NGLY1: variants seen among roughly 807,000 people sequenced by gnomAD.
The protein encoded by NGLY1 is N-glycanase 1, also known as peptide-N(4)-(N-acetyl-beta-glucosaminyl)asparagine amidase.
In NGLY1, 68 loss-of-function variants were observed where a neutral mutation model predicts 84.6. The observed-to-expected ratio is 0.80, with a 90% confidence interval of 0.66 to 0.98. The LOEUF is 0.98. Among genes scored for constraint, NGLY1 ranks in the 50% least tolerant of loss-of-function variants. The pLI, the probability that NGLY1 is intolerant of heterozygous loss-of-function variation, is 0.00. For synonymous variants in NGLY1, 280 were observed against 275.2 expected, an observed-to-expected ratio of 1.02 and a Z score of -0.17; for missense variants, 779 against 770.2, an observed-to-expected ratio of 1.01 and a Z score of -0.14.
chr3:25,764,698 T>C lies in NGLY1; in HGVS notation c.247-387A>G, dbSNP rs374799635. On this transcript the variant is annotated intron_variant, in intron 2 of 11. Transcript: ENST00000280700. ...CTACTATTCTCTATGAAATTCCCTA[T>C]GAAATAATAATGACAGTAGAGATAC... Among the ~76,000 whole-genome samples, 57 of 152,246 alleles carry C rather than the reference T, an allele frequency of 3.7e-4. No individual in the cohort carries two copies. The East Asian group carries it at 6.4e-3, about 17-fold the overall frequency.
At chr3:25,788,952 C>T (rs1490171365) in intron 1 of NGLY1, among the ~76,000 whole-genome samples, 1 of 152,154 alleles carries the variant, frequency 6.6e-6, no homozygotes, top group Non-Finnish European at 1.5e-5. Flanking sequence ...GGAAAGAATG[C>T]AGAGCACTCT....
intron 2 of NGLY1, among the ~76,000 whole-genome samples, chr3:25,768,865 C>T (rs1041821634): frequency 6.6e-6 from 1 of 151,584 alleles, no homozygotes; most frequent in Non-Finnish European, 1.5e-5. Flanking sequence ...TTTAAGAACA[C>T]AGGCAACTAA....
chr3:25,761,971 T>A (rs1707340722), intron 3 of NGLY1, among the ~76,000 whole-genome samples: 1 of 152,162 alleles, frequency 6.6e-6, no homozygotes, highest in South Asian at 2.1e-4. Flanking sequence ...TATAATTCTA[T>A]TAACATAAAA....
intron 8 of NGLY1, among the ~76,000 whole-genome samples, chr3:25,733,622 T>A (rs1408701279): frequency 6.6e-6 from 1 of 152,022 alleles, no homozygotes; most frequent in Admixed American, 6.6e-5. Flanking sequence ...AATACTGAAA[T>A]TTTGTTTCAA....
In NGLY1 at chr3:25,764,164, T is replaced by A. The variant is rs1306674601; in HGVS notation, c.394A>T (p.Thr132Ser). The change falls in exon 3 of 12, where the codon ACC becomes TCC. Residue 132 changes from threonine (T) to serine (S), a missense_variant. By Grantham distance (58) the Thr-to-Ser change is moderately conservative. Coordinates refer to ENST00000280700, the MANE Select transcript of NGLY1 (RefSeq NM_018297.4). ...VKSSQQPAASTQLPTTPSSNP... is the reference protein window; with the variant it reads ...VKSSQQPAASSQLPTTPSSNP... ...GAAGATGGTGTTGTAGGAAGCTGGGTACTGGCTGCAGGTTGCTGAGATGAC... is the reference window on the plus strand; with the variant it reads ...GAAGATGGTGTTGTAGGAAGCTGGGAACTGGCTGCAGGTTGCTGAGATGAC... The A allele has an allele frequency of 6.2e-7, 1 of 1,614,072 alleles. No homozygotes were observed. The highest frequency in any genetic ancestry group is 8.5e-7 in the Non-Finnish European group (1 of 1,180,030).
chr3:25,728,914 T>C (rs905639003), intron 10 of NGLY1, among the ~76,000 whole-genome samples: 1 of 152,120 alleles, frequency 6.6e-6, no homozygotes, highest in African/African-American at 2.4e-5. Flanking sequence ...AAATTCATCC[T>C]CTTTGATGAA....
Position 25,789,912 on chromosome 3 carries a change from G to A in NGLY1, c.-47C>T, listed in dbSNP as rs747465435. 4.6e-5 allele frequency: 71 copies of A among 1,551,358 alleles called. No individual in the cohort carries two copies. The East Asian group carries it at 1.1e-3, about 23-fold the overall frequency. On this transcript the variant is annotated 5_prime_UTR_variant, in exon 1 of 12. Coordinates refer to the NGLY1 transcript ENST00000417874. ...ATTATCGGCGAGTCACTGAGGTTCC[G>A]AGAGGGGCGTCTCTGCTCACGCAAA...
At chr3:25,769,588 T>G (rs1707789801) in intron 2 of NGLY1, among the ~76,000 whole-genome samples, 1 of 152,124 alleles carries the variant, frequency 6.6e-6, no homozygotes, top group Non-Finnish European at 1.5e-5. Context: ...TCTTTATACA[T>G]TCCTAGTGGG....
chr3:25,733,953 G>A lies in NGLY1; in HGVS notation c.1179C>T (p.Cys393=). 6 of 1,613,546 alleles carry A rather than the reference G, an allele frequency of 3.7e-6. No individual in the cohort carries two copies. Among genetic ancestry groups the A allele is most frequent in the Non-Finnish European group, 5.1e-6 (6 of 1,179,722 alleles). Residue 393 remains cysteine (C), a synonymous_variant, in exon 8 of 12, where the codon TGC becomes TGT. Transcript: ENST00000280700. ...EVVDVTWRYS[C]KHEEVIARRT... is the part of the protein sequence containing the mutation. ...TTCTGGCAATCACCTCTTCATGTTT[G>A]CAGGAATATCGCCAAGTGACATCAA...
chr3:25,737,209 C>A, intron 6 of NGLY1, 125 bp downstream of exon 6: 1 of 735,848 alleles, frequency 1.4e-6, no homozygotes. Flanking sequence ...CTGTTTTACA[C>A]AAGGCAAATG....
At chr3:25,773,235 T>C (rs1707983868) in intron 2 of NGLY1, among the ~76,000 whole-genome samples, 1 of 152,162 alleles carries the variant, frequency 6.6e-6, no homozygotes, top group African/African-American at 2.4e-5. Flanking sequence ...TCCAAACTTT[T>C]AGATGTATTT....
chr3:25,772,256 C>T (rs191902311), intron 2 of NGLY1, among the ~76,000 whole-genome samples: 91 of 152,218 alleles, frequency 6.0e-4, no homozygotes, highest in African/African-American at 2.1e-3. Context: ...TTGAAGTCTC[C>T]ACTATTATTG....
At chr3:25,723,630 G>GAA (rs914515329) in intron 10 of NGLY1, among the ~76,000 whole-genome samples, 3 of 142,674 alleles carry the variant, frequency 2.1e-5, no homozygotes, top group African/African-American at 7.7e-5. Context: ...TATTTAAAAG[G>GAA]AAAAAAAAAA....
intron 1 of NGLY1, among the ~76,000 whole-genome samples, chr3:25,779,082 T>C (rs938215570): frequency 6.6e-6 from 1 of 151,522 alleles, no homozygotes; most frequent in Non-Finnish European, 1.5e-5. Context: ...ATTACAGGGG[T>C]GCACCACCAC....
At chr3:25,721,768 A>G (rs1255838795) in intron 10 of NGLY1, among the ~76,000 whole-genome samples, 7 of 150,702 alleles carry the variant, frequency 4.6e-5, no homozygotes, top group African/African-American at 1.2e-4. Context: ...AAAAAAAAAA[A>G]AAAAAAGAAA....
intron 10 of NGLY1, among the ~76,000 whole-genome samples, chr3:25,728,612 T>G (rs1053673517): frequency 1.3e-5 from 2 of 152,054 alleles, no homozygotes; most frequent in Non-Finnish European, 2.9e-5. Context: ...ACTTAATTAT[T>G]TTTTTAAGAT....
intron 6 of NGLY1, chr3:25,736,698 T>C: frequency 4.1e-6 from 1 of 246,226 alleles, no homozygotes; most frequent in Non-Finnish European, 7.8e-6. Flanking sequence ...AACACAAATA[T>C]CACATGACTT....
At chr3:25,759,319 G>GAAA (rs759612741) in intron 3 of NGLY1, among the ~76,000 whole-genome samples, 2 of 82,282 alleles carry the variant, frequency 2.4e-5, no homozygotes, top group Admixed American at 1.2e-4. Flanking sequence ...TATAGAAACA[G>GAAA]AAAAAAAAAA....
At chr3:25,750,713 A>G (rs1706693291) in intron 4 of NGLY1, among the ~76,000 whole-genome samples, 1 of 152,228 alleles carries the variant, frequency 6.6e-6, no homozygotes, top group African/African-American at 2.4e-5. Flanking sequence ...AAATTATACT[A>G]TTATTGTACT....
Sources: gnomAD v4.1 joint callset for allele counts (sites outside exome capture counted in the v4.1 genomes callset) on GRCh38, gnomAD v4.1.1 for gene constraint, MANE v1.5 for transcripts, NCBI Gene and HGNC (gene_info 2026-07-23, HGNC 2026-07-21) for gene names.